The following CUBN variants were observed in gnomAD, a reference collection of about 807,000 sequenced individuals.
CUBN encodes 460 kDa receptor.
A neutral mutation model predicts 405.3 loss-of-function variants in CUBN; 282 were observed. The observed-to-expected ratio is 0.70, with a 90% CI of 0.63 to 0.77. The LOEUF is 0.77. Ranked by LOEUF, CUBN falls within the 30% of genes least tolerant of loss-of-function variation. The pLI, the probability that CUBN is intolerant of heterozygous loss-of-function variation, is 0.00. For missense variants in CUBN, 4,514 were observed against 4,475.2 expected (o/e 1.01, Z -0.25); for synonymous variants, 1,684 against 1,617.0 (o/e 1.04, Z -0.99).
rs1179604632 is a variant in CUBN at position 16,851,429 on chromosome 10, A to G, written c.9469T>C (p.Cys3157Arg). The change falls in exon 60 of 67, where the codon TGT becomes CGT. Residue 3157 changes from cysteine (C) to arginine (R), a missense_variant. Cys to Arg is a radical substitution (Grantham distance 180, BLOSUM62 -3). Around this residue, in one of 5 missense-constraint regions of CUBN, gnomAD observed 1,186 missense variants for 1,186.9 expected, o/e 1.00. Coordinates refer to ENST00000377833, the MANE Select transcript of CUBN (RefSeq NM_001081.4). Reference protein sequence around the residue: ...FRQTLGPQQGCGGYLTGSNNT... With the variant: ...FRQTLGPQQGRGGYLTGSNNT... The stretch of plus-strand genomic sequence containing the variant: ...TTCGAGCCTGTCAGATAACCACCAC[A>G]TCCTTGCTGAGGCCCTGCATTAAAA... 1 of 1,614,120 alleles carries G rather than the reference A, an allele frequency of 6.2e-7. No individual in the cohort carries two copies. The highest frequency in any genetic ancestry group is 8.5e-7 in the Non-Finnish European group (1 of 1,179,996).
chr10:16,995,939 C>T (rs1833721663), intron 28 of CUBN, among the ~76,000 whole-genome samples: 1 of 152,124 alleles, frequency 6.6e-6, no homozygotes, highest in African/African-American at 2.4e-5. Context: ...AAGTGAGGTT[C>T]AAGAAAGCTG....
chr10:16,947,914 C>A (rs1467487295), intron 35 of CUBN, among the ~76,000 whole-genome samples: 2 of 152,158 alleles, frequency 1.3e-5, no homozygotes, highest in Non-Finnish European at 2.9e-5. Flanking sequence ...AACAAACAAG[C>A]CAAAAAGAAC....
intron 6 of CUBN, chr10:17,122,337 T>C: frequency 3.9e-6 from 1 of 259,338 alleles, no homozygotes; most frequent in Non-Finnish European, 7.7e-6. Flanking sequence ...ATGGTCACAT[T>C]TTGACATAGC....
At chr10:17,050,231 T>C (rs574110432) in intron 22 of CUBN, among the ~76,000 whole-genome samples, 1 of 152,326 alleles carries the variant, frequency 6.6e-6, no homozygotes, top group East Asian at 1.9e-4. Flanking sequence ...CAAGCAACTG[T>C]ACTAAACTAG....
intron 17 of CUBN, among the ~76,000 whole-genome samples, chr10:17,082,727 A>G (rs1300065484): frequency 6.6e-6 from 1 of 152,226 alleles, no homozygotes; most frequent in Non-Finnish European, 1.5e-5. Flanking sequence ...TCAACGTCAC[A>G]CAATTGCATT....
chr10:16,961,630 T>C (rs1056502446), intron 31 of CUBN, among the ~76,000 whole-genome samples: 1 of 150,680 alleles, frequency 6.6e-6, no homozygotes, highest in African/African-American at 2.4e-5. Flanking sequence ...GTCTTATAAA[T>C]AAGCATTATT....
intron 9 of CUBN, 150 bp from the exon 10 acceptor site, chr10:17,109,885 T>C (rs746768869): frequency 1.5e-6 from 1 of 663,026 alleles, no homozygotes. Flanking sequence ...CATCAACAAA[T>C]GAAATTTCAT....
chr10:17,024,326 C>T (rs1440935428), intron 27 of CUBN, among the ~76,000 whole-genome samples: 1 of 152,050 alleles, frequency 6.6e-6, no homozygotes, highest in Non-Finnish European at 1.5e-5. Flanking sequence ...CCCACCTGTC[C>T]CCTCAGTAGA....
At chr10:16,997,487 C>A (rs1833768182) in intron 28 of CUBN, among the ~76,000 whole-genome samples, 1 of 148,992 alleles carries the variant, frequency 6.7e-6, no homozygotes, top group Non-Finnish European at 1.5e-5. Context: ...AGAAGAGAAA[C>A]TGCCAGCAAG....
intron 52 of CUBN, 49 bp downstream of exon 52, chr10:16,901,289 T>C (rs1328911447): frequency 2.5e-6 from 4 of 1,613,534 alleles, no homozygotes; most frequent in Admixed American, 3.3e-5. Context: ...GGACAGGCTA[T>C]TGTGGTTCTA....
Position 16,938,750 on chromosome 10 carries a change from T to C in CUBN, c.5733+213A>G, listed in dbSNP as rs559883205. Among the ~76,000 whole-genome samples the C allele has an allele frequency of 3.4e-4, 51 of 152,200 alleles. No homozygotes were observed. In the South Asian group the frequency reaches 0.01, roughly 30 times the overall value. On this transcript the variant is annotated intron_variant, in intron 38 of 66. Coordinates refer to ENST00000377833, the MANE Select transcript of CUBN (RefSeq NM_001081.4). ...CTCAACAGGAAAATTATAATAATCC[T>C]AAAAAACCCCTTAGATATGAAATGG...
intron 48 of CUBN, among the ~76,000 whole-genome samples, chr10:16,910,889 TG>T (rs1841711458): frequency 6.6e-6 from 1 of 152,114 alleles, no homozygotes; most frequent in South Asian, 2.1e-4. Context: ...CCCATTTCCT[TG>T]GGGAGCCGCA....
At position 16,831,300 on chromosome 10, in the gene CUBN, C is replaced by T. The variant is rs1323601715; in HGVS notation, c.10480G>A (p.Val3494Ile). 6.2e-7 allele frequency: 1 copy of T among 1,614,034 alleles called. No individual in the cohort carries two copies. The highest frequency in any genetic ancestry group is 8.5e-7 in the Non-Finnish European group (1 of 1,179,878). ...ELYLRFKSDS[V>I]TSDRGYEIIW... ...ATTTCATATCCACGATCAGAAGTTACACTATCACTCTTAAATCGTAGGTAT... is the reference window on the plus strand; with the variant it reads ...ATTTCATATCCACGATCAGAAGTTATACTATCACTCTTAAATCGTAGGTAT... The change falls in exon 65 of 67, where the codon GTA (valine) becomes ATA (isoleucine). Residue 3494 changes from valine to isoleucine, a missense_variant. Val to Ile is a conservative substitution (Grantham distance 29). This residue lies in a region of CUBN where 1,186 missense variants were observed against 1,186.9 expected (regional missense o/e 1.00). Transcript: ENST00000377833.
At chr10:16,892,462 A>T (rs1841060487) in intron 54 of CUBN, among the ~76,000 whole-genome samples, 1 of 152,042 alleles carries the variant, frequency 6.6e-6, no homozygotes, top group Non-Finnish European at 1.5e-5. Context: ...TATAAACACA[A>T]TTTATCAATA....
At chr10:16,979,415 G>T (rs1283144127) in intron 31 of CUBN, among the ~76,000 whole-genome samples, 2 of 152,144 alleles carry the variant, frequency 1.3e-5, no homozygotes, top group Non-Finnish European at 2.9e-5. Flanking sequence ...CAAAGCTGGA[G>T]ACATAACGTT....
chr10:17,016,162 T>C (rs1232327698), intron 28 of CUBN, among the ~76,000 whole-genome samples: 1 of 151,804 alleles, frequency 6.6e-6, no homozygotes, highest in Non-Finnish European at 1.5e-5. Context: ...AGGCCTCCCA[T>C]AGCCACTTGA....
chr10:16,865,901 G>C (rs572626857), intron 59 of CUBN, among the ~76,000 whole-genome samples: 1 of 151,982 alleles, frequency 6.6e-6, no homozygotes, highest in Non-Finnish European at 1.5e-5. Flanking sequence ...CACTCACCAC[G>C]AAGGTCCATG....
intron 22 of CUBN, among the ~76,000 whole-genome samples, chr10:17,060,624 T>C (rs775886920): frequency 5.3e-5 from 8 of 152,182 alleles, no homozygotes; most frequent in Non-Finnish European, 1.0e-4. Context: ...AGTAAGAAAG[T>C]AAATCTTTAA....
chr10:16,952,791 T>A (rs1466680769), intron 32 of CUBN, among the ~76,000 whole-genome samples: 1 of 152,234 alleles, frequency 6.6e-6, no homozygotes. Flanking sequence ...TAAGGATGAC[T>A]GTAGATTACT....
Sources: allele counts gnomAD v4.1 joint callset (sites outside exome capture counted in the v4.1 genomes callset), GRCh38; gene constraint gnomAD v4.1.1; regional missense constraint gnomAD v4.1.1; transcripts MANE v1.5; gene names NCBI Gene and HGNC (gene_info 2026-07-23, HGNC 2026-07-21).